Variants in PDE3A observed in about 807,000 individuals in gnomAD.
The protein encoded by PDE3A is cGMP-inhibited 3',5'-cyclic phosphodiesterase 3A.
PDE3A carries 43 observed loss-of-function variants against 98.3 expected under a neutral mutation model. That is an observed-to-expected ratio of 0.44 (90% CI 0.34 to 0.56). PDE3A has a LOEUF of 0.56. PDE3A is among the 20% of genes least tolerant of loss of function. PDE3A has a pLI of 0.01. For missense variants in PDE3A, 1,427 were observed against 1,440.7 expected (o/e 0.99, Z 0.15); for synonymous variants, 663 against 567.9 (o/e 1.17, Z -2.38).
At chr12:20,443,748 C>G (rs1225651645) in intron 1 of PDE3A, among the ~76,000 whole-genome samples, 1 of 152,058 alleles carries the variant, frequency 6.6e-6, no homozygotes, top group Non-Finnish European at 1.5e-5. Flanking sequence ...AATGAAATTT[C>G]TTTTTGAAAA....
At chr12:20,586,510 A>G (rs916359041) in intron 2 of PDE3A, among the ~76,000 whole-genome samples, 1 of 152,208 alleles carries the variant, frequency 6.6e-6, no homozygotes, top group Non-Finnish European at 1.5e-5. Flanking sequence ...TCATATATGT[A>G]CTTTAAAATC....
intron 1 of PDE3A, among the ~76,000 whole-genome samples, chr12:20,475,652 C>A (rs1401238448): frequency 6.6e-6 from 1 of 152,082 alleles, no homozygotes; most frequent in African/African-American, 2.4e-5. Context: ...ATTGATTGAA[C>A]CTCGGAGGCA....
chr12:20,641,480 A>G (rs571207497), intron 10 of PDE3A, among the ~76,000 whole-genome samples: 1 of 152,172 alleles, frequency 6.6e-6, no homozygotes, highest in Non-Finnish European at 1.5e-5. Flanking sequence ...ATAAACTTTT[A>G]TAGAAAGGAA....
chr12:20,501,929 A>C (rs1461384931), intron 1 of PDE3A, among the ~76,000 whole-genome samples: 1 of 152,134 alleles, frequency 6.6e-6, no homozygotes, highest in Non-Finnish European at 1.5e-5. Flanking sequence ...ATATATACAG[A>C]CTCATTCTGA....
At position 20,640,444 on chromosome 12, in the gene PDE3A, G is replaced by A. The variant is rs11045357; in HGVS notation, c.2251+487G>A. Among the ~76,000 whole-genome samples, 1,427 of 152,072 alleles carry A rather than the reference G, an allele frequency of 9.4e-3. 24 individuals are homozygous for A. The highest frequency in any genetic ancestry group is 0.033 in the African/African-American group (1,359 of 41,486). On this transcript the variant is annotated intron_variant, in intron 10 of 15. Transcript: ENST00000359062. Reference sequence around the variant, plus strand: ...AAGTCACTATATATGTTTTCTCCACGTAAGATAAAGTTGGCTGGCGTTTAG... The same window carrying A: ...AAGTCACTATATATGTTTTCTCCACATAAGATAAAGTTGGCTGGCGTTTAG...
At chr12:20,457,165 C>G (rs1295104481) in intron 1 of PDE3A, among the ~76,000 whole-genome samples, 4 of 151,968 alleles carry the variant, frequency 2.6e-5, no homozygotes, top group Non-Finnish European at 4.4e-5. Flanking sequence ...GAATTCCTTT[C>G]TAATATGAAA....
chr12:20,379,090 A>G (rs185486078), intron 1 of PDE3A, among the ~76,000 whole-genome samples: 8 of 151,894 alleles, frequency 5.3e-5, no homozygotes, highest in Non-Finnish European at 7.4e-5. Context: ...TGTCTGTGGC[A>G]AGTGTTTCCT....
intron 13 of PDE3A, among the ~76,000 whole-genome samples, chr12:20,649,412 C>A (rs1366690512): frequency 2.0e-5 from 3 of 152,060 alleles, no homozygotes; most frequent in Non-Finnish European, 4.4e-5. Flanking sequence ...GAGATGCTGT[C>A]TCTATAGATT....
At chr12:20,387,693 G>A (rs1474760932) in intron 1 of PDE3A, among the ~76,000 whole-genome samples, 1 of 151,950 alleles carries the variant, frequency 6.6e-6, no homozygotes, top group Admixed American at 6.6e-5. Flanking sequence ...ATTTAAATTA[G>A]GATAGCTGAT....
At chr12:20,630,362 T>C (rs1455780642) in intron 6 of PDE3A, among the ~76,000 whole-genome samples, 1 of 152,206 alleles carries the variant, frequency 6.6e-6, no homozygotes, top group Non-Finnish European at 1.5e-5. Context: ...TTAGAGAGGA[T>C]ACAAAACTGT....
intron 5 of PDE3A, among the ~76,000 whole-genome samples, chr12:20,628,137 T>G (rs1181264277): frequency 6.6e-6 from 1 of 152,212 alleles, no homozygotes; most frequent in Non-Finnish European, 1.5e-5. Flanking sequence ...TATTAAAAAT[T>G]GAGTTTTTTC....
At position 20,384,184 on chromosome 12, in the gene PDE3A, ATTTT is replaced by A. The variant is rs3058564; in HGVS notation, c.960+13953_960+13956del. On this transcript the variant is annotated intron_variant, in intron 1 of 15. Transcript: ENST00000359062. ...TTTAAAAATATCTGATTGGGTTGAC[ATTTT>A]TTTTTTTTTTTTCTCTAATTTTATC... Among the ~76,000 whole-genome samples the A allele has an allele frequency of 2.2e-5, 3 of 137,866 alleles. No homozygotes were observed. In the Admixed American group the frequency reaches 2.2e-4, roughly 10 times the overall value. The allele number at this position is 137,866 out of a possible 152,430, so 90.4% of individuals were successfully genotyped here. A position where few individuals can be genotyped will look rare whatever the true frequency, so the allele number is the denominator to read the frequency against.
chr12:20,632,769 C>T (rs1457262804), intron 6 of PDE3A, among the ~76,000 whole-genome samples: 2 of 151,786 alleles, frequency 1.3e-5, no homozygotes, highest in Non-Finnish European at 2.9e-5. Flanking sequence ...CTCTTTTGTT[C>T]ATTTCCTTAG....
intron 1 of PDE3A, among the ~76,000 whole-genome samples, chr12:20,383,810 A>T (rs1012947645): frequency 6.6e-6 from 1 of 151,994 alleles, no homozygotes; most frequent in Admixed American, 6.6e-5. Context: ...GGTCACTGCA[A>T]GACTCGTTCT....
intron 3 of PDE3A, 87 bp downstream of exon 3, chr12:20,613,787 C>A: frequency 2.0e-6 from 2 of 983,188 alleles, no homozygotes; most frequent in Non-Finnish European, 1.5e-6. Flanking sequence ...TCAACTCCAT[C>A]TGCAGATTCA....
chr12:20,559,504 A>G (rs1274045540), intron 2 of PDE3A, among the ~76,000 whole-genome samples: 1 of 150,498 alleles, frequency 6.6e-6, no homozygotes, highest in Non-Finnish European at 1.5e-5. Context: ...AATAATAATA[A>G]TAATAATAGT....
At chr12:20,654,734 G>T (rs910578637) in intron 15 of PDE3A, among the ~76,000 whole-genome samples, 1 of 140,532 alleles carries the variant, frequency 7.1e-6, no homozygotes, top group Non-Finnish European at 1.5e-5. Context: ...GGATGGTCTC[G>T]ATCTCCTGAC....
chr12:20,492,124 G>T (rs981386845), intron 1 of PDE3A, among the ~76,000 whole-genome samples: 5 of 152,056 alleles, frequency 3.3e-5, no homozygotes, highest in African/African-American at 1.2e-4. Flanking sequence ...GGGATTACAC[G>T]TGTGCATCAC....
At chr12:20,487,604 G>A (rs1368124957) in intron 1 of PDE3A, among the ~76,000 whole-genome samples, 1 of 149,352 alleles carries the variant, frequency 6.7e-6, no homozygotes, top group Non-Finnish European at 1.5e-5. Flanking sequence ...AGCGAGCCAA[G>A]ATTGCGCCAC....
Sources: allele counts gnomAD v4.1 joint callset (sites outside exome capture counted in the v4.1 genomes callset), GRCh38; gene constraint gnomAD v4.1.1; transcripts MANE v1.5; gene names NCBI Gene and HGNC (gene_info 2026-07-23, HGNC 2026-07-21).